LINGO2: variants seen among roughly 807,000 people sequenced by gnomAD.
LINGO2 encodes the protein leucine rich repeat and Ig domain containing 2, also known as leucine-rich repeat and immunoglobulin-like domain-containing nogo receptor-interacting protein 2.
Under a neutral mutation model 30.6 loss-of-function variants are expected in LINGO2, and 14 were observed. The ratio of observed to expected loss-of-function variants is 0.46; its 90% CI spans 0.30 to 0.72. LINGO2 has a LOEUF of 0.72. Ranked by LOEUF, LINGO2 falls within the 30% of genes least tolerant of loss-of-function variation. The probability of loss-of-function intolerance (pLI) is 0.07; values close to 1 mark genes in which losing one functional copy is unlikely to be tolerated. For missense variants in LINGO2, 729 were observed against 751.7 expected, an observed-to-expected ratio of 0.97 and a Z score of 0.35; for synonymous variants, 317 against 288.5, an observed-to-expected ratio of 1.10 and a Z score of -1.00.
the LINGO2 span, among the ~76,000 whole-genome samples, chr9:29,132,881 C>CTT: frequency 0.026 from 3,888 of 147,656 alleles, 154 homozygotes; most frequent in African/African-American, 0.092. Flanking sequence ...ACATGTAATC[C>CTT]TTTTTTTTTT....
the LINGO2 span, among the ~76,000 whole-genome samples, chr9:28,997,741 T>C: frequency 2.4e-4 from 36 of 151,896 alleles, no homozygotes; most frequent in African/African-American, 8.0e-4. Context: ...GAAAATGGCA[T>C]GAACCCAGGA....
chr9:28,552,585 A>G (rs1451304576), intron 1 of LINGO2, among the ~76,000 whole-genome samples: 1 of 151,626 alleles, frequency 6.6e-6, no homozygotes, highest in East Asian at 1.9e-4. Flanking sequence ...GAACATGGTC[A>G]CATGGTGAGT....
At chr9:28,808,256 T>C in the LINGO2 span, among the ~76,000 whole-genome samples, 1 of 152,190 alleles carries the variant, frequency 6.6e-6, no homozygotes, top group Non-Finnish European at 1.5e-5. Flanking sequence ...GCCCACAGAA[T>C]GCCATCTGCT....
chr9:29,020,676 A>G, the LINGO2 span, among the ~76,000 whole-genome samples: 1 of 152,176 alleles, frequency 6.6e-6, no homozygotes, highest in African/African-American at 2.4e-5. Context: ...CACTTTGGTC[A>G]TGGACGACTG....
intron 4 of LINGO2, among the ~76,000 whole-genome samples, chr9:28,023,491 G>T (rs1259478905): frequency 1.3e-5 from 2 of 152,156 alleles, no homozygotes; most frequent in African/African-American, 2.4e-5. Flanking sequence ...TGGTGGTAAG[G>T]TGTAGAGAGG....
rs56947146 is a variant in LINGO2, at chr9:28,089,745, A to C, written c.-86-77340T>G. On this transcript the variant is annotated intron_variant, in intron 4 of 5. Coordinates refer to ENST00000379992, the Ensembl canonical transcript of LINGO2. Reference sequence around the variant, plus strand: ...AGAACTGAAGGAAATAGAGACACAAAAAGCCCTTCAAAAAAATCAATGAAT... The same window carrying C: ...AGAACTGAAGGAAATAGAGACACAACAAGCCCTTCAAAAAAATCAATGAAT... Among the ~76,000 whole-genome samples the C allele has an allele frequency of 5.9e-3, 905 of 152,314 alleles. 8 individuals are homozygous for C. The highest frequency in any genetic ancestry group is 0.02 in the African/African-American group (842 of 41,576).
the LINGO2 span, among the ~76,000 whole-genome samples, chr9:28,712,430 G>A: frequency 0.019 from 2,792 of 150,380 alleles, 90 homozygotes; most frequent in African/African-American, 0.064. Context: ...CCAAGCCTAG[G>A]GTTCTTTGGA....
chr9:28,077,193 G>C (rs771429005), intron 4 of LINGO2, among the ~76,000 whole-genome samples: 42 of 151,916 alleles, frequency 2.8e-4, no homozygotes, highest in Admixed American at 1.1e-3. Context: ...GACAGTCAAT[G>C]GACCACCAAG....
the LINGO2 span, among the ~76,000 whole-genome samples, chr9:29,079,868 CATA>C: frequency 0.2 from 29,943 of 151,806 alleles, 3,080 homozygotes; most frequent in African/African-American, 0.24. Context: ...TTATGTATTT[CATA>C]ATAAGAAAAA....
At chr9:28,934,578 A>T in the LINGO2 span, among the ~76,000 whole-genome samples, 1 of 152,218 alleles carries the variant, frequency 6.6e-6, no homozygotes, top group African/African-American at 2.4e-5. Flanking sequence ...CCCTAAAAAA[A>T]TCAGGTATCT....
At chr9:28,571,434 A>G (rs1194689365) in intron 1 of LINGO2, among the ~76,000 whole-genome samples, 2 of 152,100 alleles carry the variant, frequency 1.3e-5, no homozygotes, top group African/African-American at 4.8e-5. Flanking sequence ...GAAAGCACAC[A>G]TAATAATTAT....
At chr9:28,801,107 A>G in the LINGO2 span, among the ~76,000 whole-genome samples, 2 of 152,206 alleles carry the variant, frequency 1.3e-5, no homozygotes, top group East Asian at 3.9e-4. Flanking sequence ...AAAGGATCTC[A>G]TTTTGAAGCA....
chr9:28,916,407 T>C, the LINGO2 span, among the ~76,000 whole-genome samples: 1 of 152,118 alleles, frequency 6.6e-6, no homozygotes, highest in African/African-American at 2.4e-5. Flanking sequence ...ACATTTACAA[T>C]CTATTCTCTC....
the LINGO2 span, among the ~76,000 whole-genome samples, chr9:29,152,531 A>C: frequency 6.6e-6 from 1 of 152,198 alleles, no homozygotes; most frequent in African/African-American, 2.4e-5. Flanking sequence ...CATTATCCCA[A>C]GTGAATTAAC....
At chr9:28,648,375 C>A (rs946449601) in intron 1 of LINGO2, among the ~76,000 whole-genome samples, 2 of 152,096 alleles carry the variant, frequency 1.3e-5, no homozygotes, top group Admixed American at 1.3e-4. Flanking sequence ...CTACTCATCT[C>A]ATTTCTCTAA....
intron 1 of LINGO2, among the ~76,000 whole-genome samples, chr9:28,614,327 T>A (rs2135797650): frequency 6.6e-6 from 1 of 152,260 alleles, no homozygotes; most frequent in South Asian, 2.1e-4. Flanking sequence ...TATATATAAA[T>A]CAATAGGCTT....
intron 2 of LINGO2, among the ~76,000 whole-genome samples, chr9:28,435,240 T>A (rs1420210002): frequency 6.6e-6 from 1 of 152,208 alleles, no homozygotes; most frequent in Non-Finnish European, 1.5e-5. Context: ...AATTTTACTG[T>A]AAAGTAATTC....
chr9:28,358,942 A>C (rs1490247662), intron 3 of LINGO2, among the ~76,000 whole-genome samples: 1 of 152,114 alleles, frequency 6.6e-6, no homozygotes, highest in East Asian at 1.9e-4. Flanking sequence ...ATCTGTGTTG[A>C]GTCTGTTCAT....
the LINGO2 span, among the ~76,000 whole-genome samples, chr9:28,898,375 A>C: frequency 1.3e-5 from 2 of 152,176 alleles, no homozygotes; most frequent in Admixed American, 1.3e-4. Context: ...AAATAGCATG[A>C]GATATTTTAC....
Sources: gnomAD v4.1 joint callset for allele counts (sites outside exome capture counted in the v4.1 genomes callset) on GRCh38, gnomAD v4.1.1 for gene constraint, MANE v1.5 for transcripts, NCBI Gene and HGNC (gene_info 2026-07-23, HGNC 2026-07-21) for gene names.